LAMB1: variants seen among roughly 807,000 people sequenced by gnomAD.
The protein encoded by LAMB1 is laminin subunit beta-1.
LAMB1 carries 121 observed loss-of-function variants against 222.3 expected under a neutral mutation model. The observed-to-expected ratio is 0.54, with a 90% CI of 0.47 to 0.63. The LOEUF (loss-of-function observed/expected upper bound fraction) is 0.63. LAMB1 is among the 30% of genes least tolerant of loss of function. The pLI is 0.00. For synonymous variants in LAMB1, 794 were observed against 807.2 expected, an observed-to-expected ratio of 0.98 and a Z score of 0.28; for missense variants, 2,172 against 2,240.8, an observed-to-expected ratio of 0.97 and a Z score of 0.62.
chr7:107,965,602 G>T (rs181135794), intron 13 of LAMB1, among the ~76,000 whole-genome samples: 1 of 151,878 alleles, frequency 6.6e-6, no homozygotes, highest in Non-Finnish European at 1.5e-5. Flanking sequence ...CCTTTTATTA[G>T]TATCATAATT....
chr7:107,963,022 A>G lies in LAMB1; in HGVS notation c.1740T>C (p.Ile580=), dbSNP rs1325019190. The G allele has an allele frequency of 1.2e-6, 2 of 1,613,824 alleles. No individual in the cohort carries two copies. Among genetic ancestry groups the G allele is most frequent in the East Asian group, 4.5e-5 (2 of 44,884 alleles). Reference sequence around the variant, plus strand: ...CGAAGCCGGCTCCAGTCCAGGAGGGAATCCGGTCCTGGATATATTGCCGCT... The same window carrying G: ...CGAAGCCGGCTCCAGTCCAGGAGGGGATCCGGTCCTGGATATATTGCCGCT... ...IVERQYIQDR[I]PSWTGAGFVR... The change falls in exon 15 of 34, where the codon ATT becomes ATC. Residue 580 remains isoleucine, a synonymous_variant. Coordinates refer to ENST00000222399, the MANE Select transcript of LAMB1 (RefSeq NM_002291.3).
At chr7:107,954,305 G>A (rs570752298) in intron 21 of LAMB1, among the ~76,000 whole-genome samples, 1 of 151,680 alleles carries the variant, frequency 6.6e-6, no homozygotes, top group South Asian at 2.1e-4. Flanking sequence ...CAGGTTTGCG[G>A]CACTACACCT....
rs1329167629 is a variant in LAMB1, at chr7:107,973,087, T to C, written c.1483-16A>G. 6.2e-7 allele frequency: 1 copy of C among 1,607,814 alleles called. No individual in the cohort carries two copies. The highest frequency in any genetic ancestry group is 1.7e-5 in the Admixed American group (1 of 60,006). On this transcript the variant is annotated splice_polypyrimidine_tract_variant and intron_variant, in intron 12 of 33. Coordinates refer to ENST00000222399, the MANE Select transcript of LAMB1 (RefSeq NM_002291.3). ...AGTGCTCTGGCTGCAGAACAAAACGTGAAACATGTAACGGTAGGTTTCTGT... is the reference window on the plus strand; with the variant it reads ...AGTGCTCTGGCTGCAGAACAAAACGCGAAACATGTAACGGTAGGTTTCTGT...
intron 24 of LAMB1, among the ~76,000 whole-genome samples, chr7:107,941,034 G>A (rs1331658915): frequency 6.6e-6 from 1 of 152,206 alleles, no homozygotes; most frequent in African/African-American, 2.4e-5. Flanking sequence ...ATCTAACTTG[G>A]GGGTGTCTGC....
chr7:107,926,391 T>C, intron 31 of LAMB1, 32 bp from the exon 32 acceptor site: 2 of 1,592,848 alleles, frequency 1.3e-6, no homozygotes, highest in Non-Finnish European at 1.7e-6. Context: ...AGCAAGACAT[T>C]AGTTTAAGAA....
intron 24 of LAMB1, chr7:107,940,601 C>T (rs2032958757): frequency 5.9e-6 from 3 of 507,518 alleles, no homozygotes; most frequent in South Asian, 5.1e-5. Context: ...TGAATGATCC[C>T]ATTTAACTCT....
rs564746823 is a variant in LAMB1 at position 107,950,067 on chromosome 7, T to C, written c.3391+1159A>G. ...CAATATGGTGAAACCCCATCTCTAC[T>C]AAAAATACAAAAATTAGCCGGGCGT... On this transcript the variant is annotated intron_variant, in intron 24 of 33. Transcript: ENST00000222399. Among the ~76,000 whole-genome samples, 207 of 152,198 alleles carry C rather than the reference T, an allele frequency of 1.4e-3. 2 individuals are homozygous for C. The highest frequency in any genetic ancestry group is 0.01 in the South Asian group (50 of 4,822).
At chr7:107,960,404 G>GC (rs1584507967) in intron 18 of LAMB1, 41 bp downstream of exon 18, 1 of 1,512,774 alleles carries the variant, frequency 6.6e-7, no homozygotes, top group Admixed American at 1.7e-5. Context: ...TATACTCAGA[G>GC]CCAGAAACAG....
chr7:107,974,811 G>A (rs2033818288), intron 12 of LAMB1, among the ~76,000 whole-genome samples, 175 bp downstream of exon 12: 1 of 152,200 alleles, frequency 6.6e-6, no homozygotes, highest in Non-Finnish European at 1.5e-5. Context: ...AACAGGGATG[G>A]TGAACATCTT....
chr7:107,967,525 T>C (rs77775720), intron 13 of LAMB1, among the ~76,000 whole-genome samples: 14,809 of 152,250 alleles, frequency 0.097, 766 homozygotes, highest in Middle Eastern at 0.18. Context: ...GCAGCCTCCA[T>C]AACCCATCCT....
At chr7:107,981,155 A>G (rs1584528521) in intron 7 of LAMB1, among the ~76,000 whole-genome samples, 1 of 152,140 alleles carries the variant, frequency 6.6e-6, no homozygotes, top group African/African-American at 2.4e-5. Flanking sequence ...CTAAAAAAAT[A>G]CAAAAATTAG....
At chr7:107,994,219 C>T (rs1248738355) in intron 5 of LAMB1, among the ~76,000 whole-genome samples, 2 of 152,186 alleles carry the variant, frequency 1.3e-5, no homozygotes, top group Admixed American at 1.3e-4. Context: ...TAAGAAGAAA[C>T]AAAGGGACTT....
At position 107,940,035 on chromosome 7, in the gene LAMB1, C is replaced by G; in HGVS notation, c.3715G>C (p.Ala1239Pro). The G allele has an allele frequency of 6.2e-7, 1 of 1,614,070 alleles. No homozygotes were observed. The highest frequency in any genetic ancestry group is 8.5e-7 in the Non-Finnish European group (1 of 1,180,020). The change falls in exon 25 of 34, where the codon GCA becomes CCA. Residue 1239 changes from alanine (A) to proline (P), a missense_variant. Coordinates refer to ENST00000222399, the MANE Select transcript of LAMB1 (RefSeq NM_002291.3). The stretch of plus-strand genomic sequence containing the variant: ...CCAATGTTTTTCAGTGGCTCTGCTG[C>G]GGGGCTCTGCGCCAGGATGTCTTTT... The part of the protein sequence containing the change: ...EIKDILAQSP[A>P]AEPLKNIGNL...
chr7:107,971,033 C>A (rs1434358086), intron 13 of LAMB1, among the ~76,000 whole-genome samples: 1 of 152,172 alleles, frequency 6.6e-6, no homozygotes, highest in Non-Finnish European at 1.5e-5. Flanking sequence ...CGCCTGGCCA[C>A]TTCTTTAATT....
Position 107,962,954 on chromosome 7 carries a change from T to C in LAMB1, c.1808A>G (p.Asn603Ser), listed in dbSNP as rs746617496. ...GTCGTACTCCATGGAATATGGTATG[T>C]TGTCAATGAAAAACTCCAAATAAGC... ...EGAYLEFFID[N>S]IPYSMEYDIL... The change falls in exon 15 of 34, where the codon AAC becomes AGC. Residue 603 changes from asparagine (N) to serine (S), a missense_variant. Physicochemically the swap from Asn to Ser is conservative, Grantham distance 46. Transcript: ENST00000222399. The C allele has an allele frequency of 3.1e-6, 5 of 1,614,112 alleles. No individual in the cohort carries two copies. The South Asian group carries it at 5.5e-5, about 18-fold the overall frequency.
chr7:107,932,102 C>T (rs1238399329), intron 28 of LAMB1, 72 bp downstream of exon 28: 18 of 1,310,772 alleles, frequency 1.4e-5, no homozygotes, highest in Non-Finnish European at 1.9e-5. Flanking sequence ...TTGATTTCTC[C>T]CTTTCAGATC....
Position 107,975,699 on chromosome 7 carries a change from A to C in LAMB1, c.1179T>G (p.Asn393Lys). 1 of 1,611,188 alleles carries C rather than the reference A, an allele frequency of 6.2e-7. No homozygotes were observed. The highest frequency in any genetic ancestry group is 2.2e-5 in the East Asian group (1 of 44,816). ...CATTTCTCAACATACGTTCACAGAA[A>C]TTAGGATCTCGGATGTCCCTCTCTG... is the stretch of plus-strand genomic sequence containing the variant. ...QHPERDIRDP[N>K]FCERCTCDPA... Residue 393 changes from asparagine (N) to lysine (K), a missense_variant, in exon 10 of 34, where the codon AAT (asparagine) becomes AAG (lysine). Physicochemically the swap from Asn to Lys is moderately conservative, Grantham distance 94. Coordinates refer to ENST00000222399, the MANE Select transcript of LAMB1 (RefSeq NM_002291.3).
chr7:107,930,980 A>G (rs1214562379), intron 29 of LAMB1, among the ~76,000 whole-genome samples: 4 of 152,188 alleles, frequency 2.6e-5, no homozygotes, highest in African/African-American at 9.6e-5. Context: ...TTAACTAACT[A>G]TAGGTATAAT....
At chr7:108,001,974 A>G in intron 2 of LAMB1, 1 of 1,447,318 alleles carries the variant, frequency 6.9e-7, no homozygotes, top group Non-Finnish European at 9.1e-7. Flanking sequence ...TCCAGCAGCG[A>G]GAGCCTCCCT....
Sources: allele counts gnomAD v4.1 joint callset (sites outside exome capture counted in the v4.1 genomes callset), GRCh38; gene constraint gnomAD v4.1.1; transcripts MANE v1.5; gene names NCBI Gene and HGNC (gene_info 2026-07-23, HGNC 2026-07-21).